HEPHL1: variants seen among roughly 807,000 people sequenced by gnomAD.
HEPHL1 encodes hephaestin like 1, also known as ferroxidase HEPHL1.
A neutral mutation model predicts 122.0 loss-of-function variants in HEPHL1; 123 were observed. That is an observed-to-expected ratio of 1.01 (90% CI 0.87 to 1.17). The LOEUF is 1.17. Ranked by LOEUF, HEPHL1 falls within the 50% of genes most tolerant of loss-of-function variation. The pLI is 0.00. For missense variants in HEPHL1, 1,452 were observed against 1,430.5 expected, an observed-to-expected ratio of 1.01 and a Z score of -0.24; for synonymous variants, 527 against 508.9, an observed-to-expected ratio of 1.04 and a Z score of -0.48.
chr11:94,096,436 G>A (rs1191737900), intron 13 of HEPHL1, among the ~76,000 whole-genome samples: 1 of 152,114 alleles, frequency 6.6e-6, no homozygotes, highest in African/African-American at 2.4e-5. Flanking sequence ...ATTTTATTGA[G>A]GATTTTTGCA....
At chr11:94,044,813 A>T (rs1480111363) in intron 1 of HEPHL1, among the ~76,000 whole-genome samples, 1 of 147,664 alleles carries the variant, frequency 6.8e-6, no homozygotes, top group Non-Finnish European at 1.5e-5. Context: ...TCCAGGCTAG[A>T]GTGCAGTGGT....
At chr11:94,048,867 T>C (rs915375615) in intron 2 of HEPHL1, among the ~76,000 whole-genome samples, 1 of 152,110 alleles carries the variant, frequency 6.6e-6, no homozygotes, top group Admixed American at 6.6e-5. Context: ...ATGCCTATAA[T>C]CCCAGCACTT....
In HEPHL1 at chr11:94,093,538, A is replaced by G. The variant is rs750013363; in HGVS notation, c.2332A>G (p.Ile778Val). 9.3e-6 allele frequency: 15 copies of G among 1,613,478 alleles called. No individual in the cohort carries two copies. The highest frequency in any genetic ancestry group is 3.3e-4 in the Middle Eastern group (2 of 6,082). Reference protein sequence around the residue: ...DIFMNRTENWIGSQYKKVVYR... With the variant: ...DIFMNRTENWVGSQYKKVVYR... ...ATTTATGAACCGCACTGAAAATTGGATTGGCTCTCAGTACAAGAAGGTGGT... is the reference window on the plus strand; with the variant it reads ...ATTTATGAACCGCACTGAAAATTGGGTTGGCTCTCAGTACAAGAAGGTGGT... The change falls in exon 13 of 20, where the codon ATT becomes GTT. Residue 778 changes from isoleucine to valine, a missense_variant. By Grantham distance (29) the Ile-to-Val change is conservative (BLOSUM62 3). Coordinates refer to ENST00000315765, the MANE Select transcript of HEPHL1 (RefSeq NM_001098672.2).
intron 2 of HEPHL1, among the ~76,000 whole-genome samples, chr11:94,050,586 C>T (rs183898900): frequency 6.6e-6 from 1 of 152,118 alleles, no homozygotes; most frequent in Non-Finnish European, 1.5e-5. Context: ...TATTTTGATA[C>T]AAGCATGCAA....
chr11:94,094,064 A>T (rs1946288448), intron 13 of HEPHL1, among the ~76,000 whole-genome samples: 1 of 145,554 alleles, frequency 6.9e-6, no homozygotes, highest in South Asian at 2.3e-4. Context: ...TTTGTTACAT[A>T]TGTATACATG....
chr11:94,089,703 C>A (rs1397979331), intron 12 of HEPHL1, among the ~76,000 whole-genome samples: 1 of 152,092 alleles, frequency 6.6e-6, no homozygotes, highest in South Asian at 2.1e-4. Context: ...ACCTCCTCCC[C>A]CAGGGCTAAT....
intron 18 of HEPHL1, 78 bp downstream of exon 18, chr11:94,111,143 A>T (rs1200124233): frequency 2.5e-6 from 3 of 1,200,438 alleles, no homozygotes; most frequent in Non-Finnish European, 3.5e-6. Flanking sequence ...CATGACAAAA[A>T]CCCAGATATA....
In HEPHL1 at chr11:94,073,011, C is replaced by G; in HGVS notation, c.1233-14C>G. 6.2e-7 allele frequency: 1 copy of G among 1,609,922 alleles called. No individual in the cohort carries two copies. Among genetic ancestry groups the G allele is most frequent in the South Asian group, 1.1e-5 (1 of 90,836 alleles). ...TTGAGAAGTGTCCTCAATCACATTC[C>G]TATGTCTTTTCAGTGACTCTGATCT... On this transcript the variant is annotated splice_polypyrimidine_tract_variant and intron_variant, in intron 6 of 19. Coordinates refer to ENST00000315765, the MANE Select transcript of HEPHL1 (RefSeq NM_001098672.2).
At chr11:94,067,245 C>T (rs1055704950) in intron 4 of HEPHL1, among the ~76,000 whole-genome samples, 2 of 152,182 alleles carry the variant, frequency 1.3e-5, no homozygotes. Flanking sequence ...CACAGCAGCT[C>T]CGAGGCTGTT....
intron 2 of HEPHL1, among the ~76,000 whole-genome samples, chr11:94,051,988 A>C (rs988500914): frequency 6.6e-6 from 1 of 151,788 alleles, no homozygotes; most frequent in Admixed American, 6.6e-5. Context: ...ATTCTGTTCC[A>C]TTTGTCTGTG....
At chr11:94,063,856 A>C in intron 3 of HEPHL1, 136 bp downstream of exon 3, 1 of 691,688 alleles carries the variant, frequency 1.4e-6, no homozygotes, top group Non-Finnish European at 2.5e-6. Context: ...TGGAAGATCA[A>C]TCTGACACCA....
At chr11:94,077,659 C>T (rs934559805) in intron 9 of HEPHL1, among the ~76,000 whole-genome samples, 10 of 152,226 alleles carry the variant, frequency 6.6e-5, no homozygotes. Context: ...GATCAAGTCA[C>T]TTTCCTGTTC....
At chr11:94,035,493 T>C (rs949434391) in intron 1 of HEPHL1, among the ~76,000 whole-genome samples, 5 of 152,228 alleles carry the variant, frequency 3.3e-5, no homozygotes, top group Non-Finnish European at 5.9e-5. Context: ...GTTCCTTTTT[T>C]TAAAAAATCT....
chr11:94,021,392 C>T lies in HEPHL1; in HGVS notation c.24C>T (p.Gly8=). Residue 8 remains glycine (G), a synonymous_variant, in exon 1 of 20, where the codon GGC becomes GGT. Coordinates refer to ENST00000315765, the MANE Select transcript of HEPHL1 (RefSeq NM_001098672.2). ...AAATGCCTCGGAAGCAGCCAGCTGG[C>T]TGCATCTTTCTCCTCACATTCCTGG... MPRKQPA[G]CIFLLTFLGL... The T allele has an allele frequency of 6.2e-7, 1 of 1,613,116 alleles. No individual in the cohort carries two copies. The highest frequency in any genetic ancestry group is 8.5e-7 in the Non-Finnish European group (1 of 1,179,518).
Position 94,104,770 on chromosome 11 carries a change from A to G in HEPHL1, c.2905+20A>G. 2 of 1,560,198 alleles carry G rather than the reference A, an allele frequency of 1.3e-6. No individual in the cohort carries two copies. Among genetic ancestry groups the G allele is most frequent in the Non-Finnish European group, 1.8e-6 (2 of 1,134,766 alleles). On this transcript the variant is annotated intron_variant, in intron 16 of 19. Transcript: ENST00000315765. ...TGCATGGTATATCCAAAGTTTAAAA[A>G]GAAGCCTATGTTGAGATAAGCTCAT...
At chr11:94,104,457 G>T in intron 15 of HEPHL1, 71 bp from the exon 16 acceptor site, 4 of 1,038,782 alleles carry the variant, frequency 3.9e-6, no homozygotes, top group Non-Finnish European at 5.8e-6. Context: ...ACACTAGAAT[G>T]GTGGCAGGTG....
At chr11:94,030,749 AC>A (rs1945667369) in intron 1 of HEPHL1, among the ~76,000 whole-genome samples, 1 of 152,196 alleles carries the variant, frequency 6.6e-6, no homozygotes, top group Non-Finnish European at 1.5e-5. Context: ...AGGCATCCCA[AC>A]TTTTATATCC....
chr11:94,104,500 T>C (rs1565363437), intron 15 of HEPHL1, 28 bp from the exon 16 acceptor site: 3 of 1,504,294 alleles, frequency 2.0e-6, no homozygotes, highest in Non-Finnish European at 2.8e-6. Flanking sequence ...TTAATGGCTC[T>C]TTTAACTCAG....
At chr11:94,032,153 A>G (rs1057176533) in intron 1 of HEPHL1, among the ~76,000 whole-genome samples, 1 of 152,222 alleles carries the variant, frequency 6.6e-6, no homozygotes, top group African/African-American at 2.4e-5. Context: ...TCCAACTTCA[A>G]TGTCATTTCC....
Sources: gnomAD v4.1 joint callset for allele counts (sites outside exome capture counted in the v4.1 genomes callset) on GRCh38, gnomAD v4.1.1 for gene constraint, MANE v1.5 for transcripts, NCBI Gene and HGNC (gene_info 2026-07-23, HGNC 2026-07-21) for gene names.